Variants in SLC6A12 observed in about 807,000 individuals in gnomAD.
The protein encoded by SLC6A12 is solute carrier family 6 member 12.
In SLC6A12, 50 loss-of-function variants were observed where a neutral mutation model predicts 73.3. The observed-to-expected ratio is 0.68, with a 90% CI of 0.54 to 0.86. SLC6A12 has a LOEUF of 0.86. SLC6A12 is among the 40% of genes least tolerant of loss of function. The pLI is 0.00. For missense variants in SLC6A12, 648 were observed against 772.8 expected (o/e 0.84, Z 1.92); for synonymous variants, 304 against 309.2 (o/e 0.98, Z 0.18).
chr12:185,383 T>C (rs116322189), downstream of SLC6A12, among the ~76,000 whole-genome samples: 1,066 of 152,354 alleles, frequency 7.0e-3, 14 homozygotes, highest in African/African-American at 0.024. Flanking sequence ...AGATGGGGAC[T>C]GAGTCCTGCT....
intron 15 of SLC6A12, 119 bp downstream of exon 15, chr12:192,359 A>C: frequency 1.2e-6 from 1 of 830,218 alleles, no homozygotes; most frequent in East Asian, 2.5e-5. Context: ...GTGAGACTGA[A>C]GGGCTGCCCC....
Position 192,496 on chromosome 12 carries a change from A to C in SLC6A12, c.1683T>G (p.Thr561=), listed in dbSNP as rs750346557. 6.2e-7 allele frequency: 1 copy of C among 1,613,876 alleles called. No individual in the cohort carries two copies. Residue 561 remains threonine, a synonymous_variant, in exon 15 of 16, where the codon ACT becomes ACG. Coordinates refer to ENST00000684302, the MANE Select transcript of SLC6A12 (RefSeq NM_001122848.3). ...PLFVVITLLK[T]RGPFRKRLRQ... ...CACCTACCTTCCTGAAAGGACCCCG[A>C]GTCTTCAGGAGGGTGATGACGACGA...
chr12:208,959 C>T (rs1940783851), intron 3 of SLC6A12, among the ~76,000 whole-genome samples: 1 of 152,166 alleles, frequency 6.6e-6, no homozygotes, highest in Admixed American at 6.5e-5. Flanking sequence ...GCTTCGGTGG[C>T]TCCCATCTCA....
At chr12:188,445 C>T (rs1011741541), downstream of SLC6A12, among the ~76,000 whole-genome samples, 2 of 151,666 alleles carry the variant, frequency 1.3e-5, no homozygotes, top group African/African-American at 4.8e-5. Flanking sequence ...CCGCTTCCCG[C>T]CAGCGCCTCT....
rs1286907593 is a variant in SLC6A12, at chr12:196,890, G to A, written c.1076-8C>T. 5 of 1,605,298 alleles carry A rather than the reference G, an allele frequency of 3.1e-6. No individual in the cohort carries two copies. Among genetic ancestry groups the A allele is most frequent in the Non-Finnish European group, 3.4e-6 (4 of 1,172,500 alleles). On this transcript the variant is annotated splice_polypyrimidine_tract_variant and splice_region_variant and intron_variant, in intron 10 of 15. Transcript: ENST00000684302. ...TGAAGGCCAGCCCAGGACCTGCCAG[G>A]TACACAGCACAGTCAGGGAGGCTCC...
rs1565468067 is a variant in SLC6A12, at chr12:196,256, G to A, written c.1194C>T (p.Val398=). 1.9e-6 allele frequency: 3 copies of A among 1,608,334 alleles called. No homozygotes were observed. In the African/African-American group the frequency reaches 4.0e-5, roughly 21 times the overall value. The change falls in exon 12 of 16, where the codon GTC becomes GTT. Residue 398 remains valine, a synonymous_variant. Coordinates refer to ENST00000684302, the MANE Select transcript of SLC6A12 (RefSeq NM_001122848.3). Reference sequence around the variant, plus strand: ...AGGCTGTCACCAGGCACTCCACACAGACAAACTGTGGGCCAGGAGGGGAAC... The same window carrying A: ...AGGCTGTCACCAGGCACTCCACACAAACAAACTGTGGGCCAGGAGGGGAAC... The part of the protein sequence containing the change: ...LIFLGLDSQF[V]CVECLVTASI...
chr12:212,186 C>T (rs190521659), intron 1 of SLC6A12, 76 bp from the exon 2 acceptor site: 6 of 152,328 alleles, frequency 3.9e-5, no homozygotes, highest in South Asian at 2.1e-4. Context: ...AATAAAGAGA[C>T]GGAGAACTGA....
At chr12:196,688 G>T in intron 11 of SLC6A12, 82 bp downstream of exon 11, 2 of 968,516 alleles carry the variant, frequency 2.1e-6, no homozygotes. Context: ...GGGAGTGGGA[G>T]TGAGGGGAAA....
Position 192,604 on chromosome 12 carries a change from G to A in SLC6A12, c.1575C>T (p.Tyr525=), listed in dbSNP as rs1231446451. ...AGGGCGGGTACACATAGACGTTGTT[G>A]TACTTGAGGGGGGTGTACTTGCTCA... The part of the protein sequence containing the change: ...FSLSKYTPLK[Y]NNVYVYPPWG... Residue 525 remains tyrosine, a synonymous_variant, in exon 15 of 16, where the codon TAC becomes TAT. Coordinates refer to ENST00000684302, the MANE Select transcript of SLC6A12 (RefSeq NM_001122848.3). 3.1e-6 allele frequency: 5 copies of A among 1,614,144 alleles called. No homozygotes were observed. In the South Asian group the frequency reaches 4.4e-5, roughly 14 times the overall value.
chr12:204,358 G>A, intron 4 of SLC6A12: 1 of 583,790 alleles, frequency 1.7e-6, no homozygotes, highest in Non-Finnish European at 3.0e-6. Context: ...CCCACCATCA[G>A]TGCTAAGGGT....
chr12:187,511 T>C (rs530195253), downstream of SLC6A12, among the ~76,000 whole-genome samples: 1 of 146,260 alleles, frequency 6.8e-6, no homozygotes, highest in Non-Finnish European at 1.5e-5. Context: ...ACCTGCAGAT[T>C]TTCCCAATGA....
At position 208,088 on chromosome 12, in the gene SLC6A12, C is replaced by T. The variant is rs557475073; in HGVS notation, c.214+1685G>A. On this transcript the variant is annotated intron_variant, in intron 3 of 15. Coordinates refer to ENST00000684302, the MANE Select transcript of SLC6A12 (RefSeq NM_001122848.3). ...CCAGATGGCTGGGTGAGGAGTGTGC[C>T]GTGACGCAGAAATGGTTCCAAGGCC... is the stretch of plus-strand genomic sequence containing the variant. Among the ~76,000 whole-genome samples the T allele has an allele frequency of 8.5e-5, 13 of 152,298 alleles. No homozygotes were observed. In the South Asian group the frequency reaches 2.3e-3, roughly 27 times the overall value.
Position 196,217 on chromosome 12 carries a change from G to T in SLC6A12, c.1233C>A (p.Phe411Leu). ...ECLVTASIDM[F>L]PRQLRKSGRR... ...GCCCGCTCTTCCGGAGCTGCCTGGG[G>T]AACATGTCTATGGAGGCTGTCACCA... is the stretch of plus-strand genomic sequence containing the variant. Residue 411 changes from phenylalanine (F) to leucine (L), a missense_variant, in exon 12 of 16, where the codon TTC becomes TTA. By Grantham distance (22) the Phe-to-Leu change is conservative (BLOSUM62 0). Transcript: ENST00000684302. 1 of 1,601,402 alleles carries T rather than the reference G, an allele frequency of 6.2e-7. No homozygotes were observed. Among genetic ancestry groups the T allele is most frequent in the South Asian group, 1.1e-5 (1 of 87,994 alleles).
At position 196,666 on chromosome 12, in the gene SLC6A12, G is replaced by A. The variant is rs538134264; in HGVS notation, c.1188+104C>T. 34 of 820,226 alleles carry A rather than the reference G, an allele frequency of 4.1e-5. 1 individual carries two copies. In the South Asian group the frequency reaches 4.3e-4, roughly 10 times the overall value. The allele number at this position is 820,226 out of a possible 1,614,324, so 50.8% of individuals were successfully genotyped here. A position where few individuals can be genotyped will look rare whatever the true frequency, so the allele number is the denominator to read the frequency against. On this transcript the variant is annotated intron_variant, in intron 11 of 15. Transcript: ENST00000684302. ...CCCTGGACAGCAGAGGGGGCCTCAG[G>A]TGTGTGGTCAGGGGAGTGGGAGTGA... is the stretch of plus-strand genomic sequence containing the variant.
downstream of SLC6A12, among the ~76,000 whole-genome samples, chr12:189,909 G>C (rs1341429586): frequency 1.3e-5 from 2 of 152,208 alleles, no homozygotes; most frequent in South Asian, 2.1e-4. Context: ...AAGAACAAAA[G>C]GATCTGGGAG....
chr12:192,705 G>T, intron 14 of SLC6A12, 57 bp from the exon 15 acceptor site: 1 of 1,532,508 alleles, frequency 6.5e-7, no homozygotes, highest in Non-Finnish European at 9.0e-7. Flanking sequence ...AACCCTCTCC[G>T]CAGCTACGTA....
At chr12:204,735 G>A (rs769139030) in intron 3 of SLC6A12, 37 bp from the exon 4 acceptor site, 16 of 1,610,468 alleles carry the variant, frequency 9.9e-6, no homozygotes, top group Non-Finnish European at 1.3e-5. Flanking sequence ...AGCCACACCC[G>A]GGCTCTTCCT....
chr12:197,399 G>T lies in SLC6A12; in HGVS notation c.1053C>A (p.Pro351=). Residue 351 remains proline (P), a synonymous_variant, in exon 10 of 16, where the codon CCC becomes CCA. Transcript: ENST00000684302. The part of the protein sequence containing the change: ...LGFMSQEQGV[P]ISEVAESGPG... ...TACCTGACTCGGCCACTTCAGAAAT[G>T]GGCACCCCTTGCTCTTGGGACATGA... 1 of 1,613,630 alleles carries T rather than the reference G, an allele frequency of 6.2e-7. No individual in the cohort carries two copies. Among genetic ancestry groups the T allele is most frequent in the South Asian group, 1.1e-5 (1 of 90,998 alleles).
chr12:192,879 AGACGGAGACAGGAGGC>A (rs1372161375), intron 14 of SLC6A12, among the ~76,000 whole-genome samples: 54 of 146,076 alleles, frequency 3.7e-4, no homozygotes, highest in African/African-American at 1.2e-3. Flanking sequence ...TTCACATCAC[AGACGGAGACAGGAGGC>A]GATACAAAGG....
Sources: gnomAD v4.1 joint callset for allele counts (sites outside exome capture counted in the v4.1 genomes callset) on GRCh38, gnomAD v4.1.1 for gene constraint, MANE v1.5 for transcripts, NCBI Gene and HGNC (gene_info 2026-07-23, HGNC 2026-07-21) for gene names.